Variants in NME8 observed in about 807,000 individuals in gnomAD.
NME8 encodes the protein protein NME8.
NME8 carries 72 observed loss-of-function variants against 82.3 expected under a neutral mutation model. The ratio of observed to expected loss-of-function variants is 0.87; its 90% CI spans 0.72 to 1.06. The LOEUF (loss-of-function observed/expected upper bound fraction) is 1.06. Among genes scored for constraint, NME8 ranks in the 50% least tolerant of loss-of-function variants. NME8 has a pLI of 0.00. For missense variants in NME8, 712 were observed against 685.4 expected, an observed-to-expected ratio of 1.04 and a Z score of -0.43; for synonymous variants, 267 against 228.5, an observed-to-expected ratio of 1.17 and a Z score of -1.52.
chr7:37,885,771 C>A (rs1409060502), intron 14 of NME8, among the ~76,000 whole-genome samples: 2 of 152,124 alleles, frequency 1.3e-5, no homozygotes, highest in African/African-American at 4.8e-5. Flanking sequence ...TCAATATTTT[C>A]TGAGCTTACC....
Position 37,873,221 on chromosome 7 carries a change from G to C in NME8, c.819-3611G>C, listed in dbSNP as rs1032019881. 7.2e-5 allele frequency among the ~76,000 whole-genome samples: 11 copies of C among 152,122 alleles called. No individual in the cohort carries two copies. The East Asian group carries it at 1.7e-3, about 24-fold the overall frequency. On this transcript the variant is annotated intron_variant, in intron 11 of 17. Transcript: ENST00000199447. The stretch of plus-strand genomic sequence containing the variant: ...CTAAACATGCAAAAATTGGCCAGGC[G>C]TGGTGGCCCATGCCTATAGTCCCAG...
chr7:37,875,806 C>T (rs1183073229), intron 11 of NME8, among the ~76,000 whole-genome samples: 1 of 151,788 alleles, frequency 6.6e-6, no homozygotes, highest in Non-Finnish European at 1.5e-5. Flanking sequence ...GGCTAAGTAC[C>T]TAAGGAGGGA....
intron 12 of NME8, among the ~76,000 whole-genome samples, chr7:37,880,694 G>T (rs1784930705): frequency 6.6e-6 from 1 of 152,058 alleles, no homozygotes; most frequent in African/African-American, 2.4e-5. Flanking sequence ...TGGGCTTTTG[G>T]TTGGGATTGT....
At chr7:37,875,329 G>A (rs901934015) in intron 11 of NME8, among the ~76,000 whole-genome samples, 13 of 152,158 alleles carry the variant, frequency 8.5e-5, no homozygotes, top group African/African-American at 2.9e-4. Context: ...TTGTATTAAT[G>A]TAATATTTCC....
rs2131968020 is a variant in NME8, at chr7:37,885,220, T to G, written c.1215T>G (p.Thr405=). The G allele has an allele frequency of 6.2e-7, 1 of 1,613,112 alleles. No individual in the cohort carries two copies. Among genetic ancestry groups the G allele is most frequent in the South Asian group, 1.1e-5 (1 of 91,056 alleles). ...GGAAACAATTACTGGGACCAAGAAC[T>G]GTTGAAGAAGCCATTGAATATTTTC... ...QYWKQLLGPR[T]VEEAIEYFPE... Residue 405 remains threonine, a synonymous_variant, in exon 14 of 18, where the codon ACT becomes ACG. Transcript: ENST00000199447.
intron 7 of NME8, among the ~76,000 whole-genome samples, chr7:37,862,603 A>G (rs1784613347): frequency 6.6e-6 from 1 of 151,828 alleles, no homozygotes; most frequent in Non-Finnish European, 1.5e-5. Flanking sequence ...AAAATCTGGT[A>G]CTTTGCTCTT....
At position 37,896,979 on chromosome 7, in the gene NME8, A is replaced by C; in HGVS notation, c.1654A>C (p.Ile552Leu). ...AGCAAAATTACTTTCCCCTGACTCC[A>C]TCCGAGCCCAGTTTGGAATAAGTAA... ...EEAKLLSPDS[I>L]RAQFGISKLK... is the part of the protein sequence containing the mutation. Residue 552 changes from isoleucine (I) to leucine (L), a missense_variant, in exon 17 of 18, where the codon ATC becomes CTC. Physicochemically the swap from Ile to Leu is conservative, Grantham distance 5 (BLOSUM62 2). Transcript: ENST00000199447. 1 of 1,613,890 alleles carries C rather than the reference A, an allele frequency of 6.2e-7. No homozygotes were observed. Among genetic ancestry groups the C allele is most frequent in the Non-Finnish European group, 8.5e-7 (1 of 1,179,878 alleles).
intron 15 of NME8, among the ~76,000 whole-genome samples, chr7:37,890,996 C>A (rs1341525186): frequency 6.6e-6 from 1 of 151,808 alleles, no homozygotes; most frequent in Non-Finnish European, 1.5e-5. Flanking sequence ...TATGGTAGTT[C>A]TATTTTTAAT....
intron 11 of NME8, among the ~76,000 whole-genome samples, chr7:37,870,228 A>G (rs1784747070): frequency 7.8e-6 from 1 of 128,972 alleles, no homozygotes; most frequent in African/African-American, 3.0e-5. Flanking sequence ...ACTAACACTA[A>G]TGATAGCTGA....
At chr7:37,890,773 A>G (rs891535237) in intron 15 of NME8, among the ~76,000 whole-genome samples, 1 of 151,994 alleles carries the variant, frequency 6.6e-6, no homozygotes, top group Non-Finnish European at 1.5e-5. Flanking sequence ...TTTATAGCTG[A>G]ATAATATTCC....
At chr7:37,873,832 G>T (rs1784808573) in intron 11 of NME8, among the ~76,000 whole-genome samples, 1 of 152,192 alleles carries the variant, frequency 6.6e-6, no homozygotes, top group Non-Finnish European at 1.5e-5. Flanking sequence ...CTGGTACATG[G>T]CGCTGATAAA....
chr7:37,881,448 G>A (rs537510897), intron 12 of NME8, among the ~76,000 whole-genome samples: 7 of 152,112 alleles, frequency 4.6e-5, no homozygotes, highest in South Asian at 4.2e-4. Context: ...TATTAGTGGC[G>A]ATTATGTTAA....
chr7:37,851,713 TATATA>T (rs1562827272), intron 5 of NME8, among the ~76,000 whole-genome samples: 1 of 152,120 alleles, frequency 6.6e-6, no homozygotes, highest in Non-Finnish European at 1.5e-5. Context: ...ATGTGTGGCT[TATATA>T]ATATATTTAT....
intron 12 of NME8, among the ~76,000 whole-genome samples, chr7:37,878,370 A>G (rs563974704): frequency 6.6e-5 from 10 of 152,144 alleles, no homozygotes; most frequent in Admixed American, 2.6e-4. Context: ...TTTGTTGAGA[A>G]TTTTTGTGTC....
chr7:37,849,473 G>C (rs1266889808), intron 2 of NME8, among the ~76,000 whole-genome samples: 2 of 152,106 alleles, frequency 1.3e-5, no homozygotes, highest in Non-Finnish European at 2.9e-5. Context: ...ATTTAGCATA[G>C]AGCCTAGCAT....
chr7:37,872,925 C>A (rs543808252), intron 11 of NME8, among the ~76,000 whole-genome samples: 74 of 152,312 alleles, frequency 4.9e-4, no homozygotes, highest in African/African-American at 1.7e-3. Flanking sequence ...AGAAACACTG[C>A]ACACTGTGTC....
intron 4 of NME8, 93 bp downstream of exon 4, chr7:37,850,528 A>G (rs1245229373): frequency 6.5e-7 from 1 of 1,545,192 alleles, no homozygotes; most frequent in Non-Finnish European, 8.9e-7. Flanking sequence ...TTTGACCAAG[A>G]AATCCTGCAG....
intron 12 of NME8, among the ~76,000 whole-genome samples, chr7:37,882,638 AGAAAG>A (rs1784979995): frequency 7.9e-6 from 1 of 126,116 alleles, no homozygotes; most frequent in Non-Finnish European, 1.7e-5. Context: ...AAAGAAAGAA[AGAAAG>A]AGAAAGAAAG....
chr7:37,864,238 C>A, intron 8 of NME8, 110 bp from the exon 9 acceptor site: 1 of 1,331,282 alleles, frequency 7.5e-7, no homozygotes, highest in Non-Finnish European at 1.0e-6. Context: ...TATCAATGGG[C>A]AACAATTAAC....
Sources: gnomAD v4.1 joint callset for allele counts (sites outside exome capture counted in the v4.1 genomes callset) on GRCh38, gnomAD v4.1.1 for gene constraint, MANE v1.5 for transcripts, NCBI Gene and HGNC (gene_info 2026-07-23, HGNC 2026-07-21) for gene names.